The following ITPR1 variants were observed in gnomAD, a reference collection of about 807,000 sequenced individuals.
ITPR1 encodes the protein inositol 1,4,5-trisphosphate-gated calcium channel ITPR1.
A neutral mutation model predicts 318.4 loss-of-function variants in ITPR1; 96 were observed. That is an observed-to-expected ratio of 0.30 (90% CI 0.26 to 0.36). The LOEUF (loss-of-function observed/expected upper bound fraction) is 0.36. Among genes scored for constraint, ITPR1 ranks in the 10% least tolerant of loss-of-function variants. The pLI, the probability that ITPR1 is intolerant of heterozygous loss-of-function variation, is 1.00. For synonymous variants in ITPR1, 1,312 were observed against 1,289.9 expected (o/e 1.02, Z -0.37); for missense variants, 2,440 against 3,460.2 (o/e 0.71, Z 7.40).
At chr3:4,737,199 C>T (rs2043335851) in intron 44 of ITPR1, among the ~76,000 whole-genome samples, 1 of 151,976 alleles carries the variant, frequency 6.6e-6, no homozygotes, top group Non-Finnish European at 1.5e-5. Context: ...TTGAGAAATC[C>T]CAGAATCTCA....
intron 4 of ITPR1, among the ~76,000 whole-genome samples, chr3:4,602,920 G>A (rs1260883853): frequency 6.6e-6 from 1 of 152,180 alleles, no homozygotes; most frequent in East Asian, 1.9e-4. Flanking sequence ...TCTGGAATTC[G>A]ATAGTGGTGG....
intron 42 of ITPR1, among the ~76,000 whole-genome samples, chr3:4,728,766 A>G (rs1025333858): frequency 6.6e-6 from 1 of 152,320 alleles, no homozygotes; most frequent in East Asian, 1.9e-4. Context: ...TGCCTGAGAT[A>G]AATGGGTAGC....
At chr3:4,642,277 A>G (rs1559596467) in intron 7 of ITPR1, 26 bp downstream of exon 7, 2 of 1,489,144 alleles carry the variant, frequency 1.3e-6, no homozygotes, top group Non-Finnish European at 1.8e-6. Flanking sequence ...CCACCTAGAA[A>G]GTCTTCCGTG....
chr3:4,525,809 A>T (rs899790941), intron 4 of ITPR1, among the ~76,000 whole-genome samples: 2 of 152,138 alleles, frequency 1.3e-5, no homozygotes, highest in Non-Finnish European at 2.9e-5. Context: ...GAATTCCTTT[A>T]TCTGTATTAT....
At chr3:4,702,796 T>C (rs938894062) in intron 35 of ITPR1, 34 bp from the exon 36 acceptor site, 54 of 1,606,362 alleles carry the variant, frequency 3.4e-5, no homozygotes, top group Non-Finnish European at 4.5e-5. Context: ...AATAAAAATC[T>C]GTTTTTCACG....
chr3:4,662,198 T>G lies in ITPR1; in HGVS notation c.1368T>G (p.Ile456Met), dbSNP rs1449713830. Residue 456 changes from isoleucine (I) to methionine (M), a missense_variant, in exon 15 of 62, where the codon ATT becomes ATG. Ile to Met is a conservative substitution (Grantham distance 10, BLOSUM62 1). This residue lies in a region of ITPR1 where 478 missense variants were observed against 696.3 expected (regional missense o/e 0.69). Coordinates refer to ENST00000649015, the MANE Select transcript of ITPR1 (RefSeq NM_001378452.1). ...ATGCCAGCAAGGTGCTGGGCTCCATTGCTGGGAAGCTAGAGAAGGGCACCA... is the reference window on the plus strand; with the variant it reads ...ATGCCAGCAAGGTGCTGGGCTCCATGGCTGGGAAGCTAGAGAAGGGCACCA... ...ANDASKVLGSIAGKLEKGTIT... is the reference protein window; with the variant it reads ...ANDASKVLGSMAGKLEKGTIT... The G allele has an allele frequency of 6.2e-7, 1 of 1,612,736 alleles. No homozygotes were observed. Among genetic ancestry groups the G allele is most frequent in the Middle Eastern group, 1.7e-4 (1 of 6,054 alleles).
chr3:4,698,055 G>C (rs1422350992), intron 34 of ITPR1, among the ~76,000 whole-genome samples: 2 of 151,818 alleles, frequency 1.3e-5, no homozygotes, highest in African/African-American at 2.4e-5. Context: ...TACTTCATTT[G>C]GTTTTGCATT....
At chr3:4,827,161 C>T (rs745670938) in intron 60 of ITPR1, among the ~76,000 whole-genome samples, 2 of 152,184 alleles carry the variant, frequency 1.3e-5, no homozygotes, top group African/African-American at 2.4e-5. Context: ...TTCTCCCCAC[C>T]GCCCATACCC....
intron 44 of ITPR1, chr3:4,750,983 C>T (rs1012525676): frequency 6.5e-6 from 1 of 152,956 alleles, no homozygotes; most frequent in African/African-American, 2.4e-5. Context: ...TAGGAGTCTT[C>T]CATCTTGCCT....
chr3:4,673,057 C>G (rs1021898893), intron 20 of ITPR1, 79 bp from the exon 21 acceptor site: 5 of 1,484,684 alleles, frequency 3.4e-6, no homozygotes, highest in Non-Finnish European at 4.6e-6. Flanking sequence ...CCATGACAGT[C>G]AGGGCTGCCC....
chr3:4,626,013 G>T (rs2125126177), intron 4 of ITPR1, among the ~76,000 whole-genome samples: 1 of 152,208 alleles, frequency 6.6e-6, no homozygotes, highest in Non-Finnish European at 1.5e-5. Context: ...ATCTGGTGAA[G>T]CCCAAATATT....
chr3:4,741,710 T>G (rs887697187), intron 44 of ITPR1, among the ~76,000 whole-genome samples: 2 of 152,186 alleles, frequency 1.3e-5, no homozygotes, highest in Non-Finnish European at 2.9e-5. Flanking sequence ...GAAAGGGCAA[T>G]TTGATTTGCC....
At chr3:4,539,294 T>C (rs2084185277) in intron 4 of ITPR1, among the ~76,000 whole-genome samples, 1 of 152,214 alleles carries the variant, frequency 6.6e-6, no homozygotes, top group African/African-American at 2.4e-5. Context: ...ATAATATCTT[T>C]GTTTTATCAG....
chr3:4,557,095 T>C (rs1243344903), intron 4 of ITPR1, among the ~76,000 whole-genome samples: 1 of 152,188 alleles, frequency 6.6e-6, no homozygotes, highest in Non-Finnish European at 1.5e-5. Flanking sequence ...TCTCAACTCT[T>C]AATCACCGTG....
In ITPR1 at chr3:4,693,494, T is replaced by A; in HGVS notation, c.4034T>A (p.Val1345Asp). 6.2e-7 allele frequency: 1 copy of A among 1,613,364 alleles called. No individual in the cohort carries two copies. Among genetic ancestry groups the A allele is most frequent in the Non-Finnish European group, 8.5e-7 (1 of 1,179,400 alleles). Residue 1345 changes from valine (V) to aspartate (D), a missense_variant, in exon 33 of 62, where the codon GTC becomes GAC. Physicochemically the swap from Val to Asp is radical, Grantham distance 152. Coordinates refer to ENST00000649015, the MANE Select transcript of ITPR1 (RefSeq NM_001378452.1). ...CCCACCCTGTTCTTTATGTAGCTGG[T>A]CAATTCGGGAGAGGATGTCCTCGTG... ...KCQDMVMAEL[V>D]NSGEDVLVFY...
rs2046531656 is a variant in ITPR1 at position 4,777,107 on chromosome 3, A to G, written c.6181-157A>G. ...AACTAGAGATTTTCATCTGTCTTTT[A>G]TTCTTACCACTTTCTCACGGAAAAT... On this transcript the variant is annotated intron_variant, in intron 47 of 61. Coordinates refer to ENST00000649015, the MANE Select transcript of ITPR1 (RefSeq NM_001378452.1). Among the ~76,000 whole-genome samples the G allele has an allele frequency of 3.9e-5, 6 of 152,286 alleles. No individual in the cohort carries two copies. In the South Asian group the frequency reaches 1.0e-3, roughly 26 times the overall value.
At chr3:4,634,159 G>C (rs1035777053) in intron 5 of ITPR1, among the ~76,000 whole-genome samples, 2 of 151,914 alleles carry the variant, frequency 1.3e-5, no homozygotes, top group African/African-American at 4.8e-5. Context: ...AAGAGTAATA[G>C]ATATTTAAAT....
rs563666933 is a variant in ITPR1, at chr3:4,841,204, C to T, written c.8190+4269C>T. Among the ~76,000 whole-genome samples the T allele has an allele frequency of 4.6e-5, 7 of 152,266 alleles. No homozygotes were observed. In the South Asian group the frequency reaches 1.5e-3, roughly 32 times the overall value. On this transcript the variant is annotated intron_variant, in intron 61 of 61. Coordinates refer to ENST00000649015, the MANE Select transcript of ITPR1 (RefSeq NM_001378452.1). Reference sequence around the variant, plus strand: ...CTAGCAAGAAAGACAAAGAAGTAGACCTCTAGCAATCTGATACAGTATGAA... The same window carrying T: ...CTAGCAAGAAAGACAAAGAAGTAGATCTCTAGCAATCTGATACAGTATGAA...
chr3:4,714,985 C>G (rs765692492), intron 39 of ITPR1, among the ~76,000 whole-genome samples: 6 of 152,320 alleles, frequency 3.9e-5, no homozygotes, highest in African/African-American at 1.4e-4. Context: ...TAACATTGAT[C>G]GACCTCTTGT....
Sources: allele counts gnomAD v4.1 joint callset (sites outside exome capture counted in the v4.1 genomes callset), GRCh38; gene constraint gnomAD v4.1.1; regional missense constraint gnomAD v4.1.1; transcripts MANE v1.5; gene names NCBI Gene and HGNC (gene_info 2026-07-23, HGNC 2026-07-21).